FMN2: variants seen among roughly 807,000 people sequenced by gnomAD.
FMN2 encodes the protein formin-2.
A neutral mutation model predicts 142.3 loss-of-function variants in FMN2; 51 were observed. That is an observed-to-expected ratio of 0.36 (90% CI 0.29 to 0.45). The LOEUF (loss-of-function observed/expected upper bound fraction) is 0.45. Ranked by LOEUF, FMN2 falls within the 20% of genes least tolerant of loss-of-function variation. FMN2 has a pLI of 1.00. For synonymous variants in FMN2, 882 were observed against 869.8 expected (o/e 1.01, Z -0.25); for missense variants, 1,936 against 2,122.8 (o/e 0.91, Z 1.73).
At chr1:240,447,340 C>A (rs567793948) in intron 16 of FMN2, among the ~76,000 whole-genome samples, 1 of 151,966 alleles carries the variant, frequency 6.6e-6, no homozygotes, top group Admixed American at 6.5e-5. Flanking sequence ...CAATATAGGA[C>A]CTACAAAAAA....
chr1:240,257,594 C>T (rs1372269104), intron 6 of FMN2, among the ~76,000 whole-genome samples: 1 of 152,150 alleles, frequency 6.6e-6, no homozygotes, highest in Non-Finnish European at 1.5e-5. Context: ...CTTCAAATCT[C>T]AGGCTGCAAA....
At chr1:240,123,901 A>T (rs1314010127) in intron 2 of FMN2, among the ~76,000 whole-genome samples, 1 of 152,218 alleles carries the variant, frequency 6.6e-6, no homozygotes, top group Non-Finnish European at 1.5e-5. Flanking sequence ...TAGGTAGCTC[A>T]TATAAGTGGA....
At chr1:240,300,445 C>A (rs566069402) in intron 8 of FMN2, among the ~76,000 whole-genome samples, 1 of 152,194 alleles carries the variant, frequency 6.6e-6, no homozygotes, top group South Asian at 2.1e-4. Flanking sequence ...TTGTATTTAC[C>A]ATTGTTTCCT....
chr1:240,099,131 G>C (rs1278859998), intron 1 of FMN2, among the ~76,000 whole-genome samples: 2 of 151,964 alleles, frequency 1.3e-5, no homozygotes, highest in Non-Finnish European at 2.9e-5. Flanking sequence ...AATTCTGCCT[G>C]GTACATGAGA....
At chr1:240,356,377 T>C (rs9725819) in intron 14 of FMN2, among the ~76,000 whole-genome samples, 26,284 of 152,154 alleles carry the variant, frequency 0.17, 2,697 homozygotes, top group African/African-American at 0.28. Context: ...TTTGCAGTTT[T>C]TTTAATGGGA....
chr1:240,147,088 T>TAA (rs1663517647), intron 2 of FMN2, among the ~76,000 whole-genome samples: 1 of 151,958 alleles, frequency 6.6e-6, no homozygotes, highest in Admixed American at 6.6e-5. Flanking sequence ...AAATTGGGGC[T>TAA]TTTTTTTCTT....
At chr1:240,416,360 A>G (rs142966863) in intron 15 of FMN2, among the ~76,000 whole-genome samples, 3,767 of 150,694 alleles carry the variant, frequency 0.025, 162 homozygotes, top group African/African-American at 0.086. Flanking sequence ...TCCTGGGTTC[A>G]AGCGATTCTC....
Position 240,123,341 on chromosome 1 carries a change from T to C in FMN2, c.1778T>C (p.Phe593Ser). Residue 593 changes from phenylalanine to serine, a missense_variant, in exon 2 of 18, where the codon TTT becomes TCT. This residue lies in a region of FMN2 where 478 missense variants were observed against 462.8 expected (regional missense o/e 1.03). Coordinates refer to ENST00000319653, the MANE Select transcript of FMN2 (RefSeq NM_020066.5). ...NQNAQTNAAS[F>S]DQDQLYTWAA... ...AATGCCCAGACGAATGCAGCTTCGT[T>C]TGATGTAAGTAGGAGAATTCACTTC... is the stretch of plus-strand genomic sequence containing the variant. 1.2e-6 allele frequency: 2 copies of C among 1,613,486 alleles called. No homozygotes were observed. Among genetic ancestry groups the C allele is most frequent in the Non-Finnish European group, 8.5e-7 (1 of 1,179,788 alleles).
chr1:240,206,771 A>C, intron 4 of FMN2, 28 bp from the exon 5 acceptor site: 1 of 1,581,096 alleles, frequency 6.3e-7, no homozygotes. Flanking sequence ...TTTCATAACT[A>C]ACTGTGTCTG....
intron 16 of FMN2, among the ~76,000 whole-genome samples, chr1:240,467,176 G>A (rs115323756): frequency 6.6e-6 from 1 of 152,232 alleles, no homozygotes; most frequent in African/African-American, 2.4e-5. Context: ...CATATCTCAG[G>A]AGGCCTTAGT....
intron 13 of FMN2, among the ~76,000 whole-genome samples, chr1:240,347,802 C>T (rs1451224705): frequency 6.6e-6 from 1 of 152,154 alleles, no homozygotes; most frequent in African/African-American, 2.4e-5. Context: ...ATTTGGTTTT[C>T]TGTTTCTGCA....
intron 2 of FMN2, among the ~76,000 whole-genome samples, chr1:240,153,416 A>T (rs1240005892): frequency 7.7e-6 from 1 of 130,028 alleles, no homozygotes; most frequent in Non-Finnish European, 1.6e-5. Flanking sequence ...ACAGGCTTGC[A>T]GTTGTACGAT....
intron 2 of FMN2, among the ~76,000 whole-genome samples, chr1:240,177,578 AAGATGCTAGTTCAGGG>A (rs1173089400): frequency 6.6e-6 from 1 of 152,174 alleles, no homozygotes; most frequent in Admixed American, 6.5e-5. Flanking sequence ...AGATGAATTA[AAGATGCTAGTTCAGGG>A]AGTTCTCTGA....
At chr1:240,174,153 T>G (rs976236412) in intron 2 of FMN2, among the ~76,000 whole-genome samples, 2 of 152,152 alleles carry the variant, frequency 1.3e-5, no homozygotes, top group African/African-American at 4.8e-5. Flanking sequence ...AGCTCAGGCT[T>G]AGAAGCATGC....
intron 7 of FMN2, chr1:240,285,284 G>A (rs1478671446): frequency 2.2e-6 from 1 of 455,442 alleles, no homozygotes; most frequent in Non-Finnish European, 4.4e-6. Flanking sequence ...GAGGGGAAGG[G>A]AGGAATTAAG....
chr1:240,148,331 C>T (rs2103266913), intron 2 of FMN2, among the ~76,000 whole-genome samples: 1 of 143,078 alleles, frequency 7.0e-6, no homozygotes, highest in South Asian at 2.4e-4. Context: ...AACAGAGAGA[C>T]AGACAGATAA....
At chr1:240,323,131 CCTTCCTTTTCCTTTCCTTT>C (rs772174691) in intron 8 of FMN2, among the ~76,000 whole-genome samples, 152 of 150,232 alleles carry the variant, frequency 1.0e-3, no homozygotes, top group Admixed American at 1.8e-3. Flanking sequence ...TTCTTTCCTT[CCTTCCTTTTCCTTTCCTTT>C]CTCTTTCTCT....
intron 7 of FMN2, among the ~76,000 whole-genome samples, chr1:240,262,478 A>C (rs1668663453): frequency 6.6e-6 from 1 of 152,210 alleles, no homozygotes; most frequent in Admixed American, 6.5e-5. Context: ...TTATAAGAGT[A>C]TCCTACAGCT....
rs187222915 is a variant in FMN2, at chr1:240,106,340, A to C, written c.1615+12616A>C. ...TATGAAACATCCAACATTTCCCTGC[A>C]TGTTGATAAATCATATTTCTAGCTC... On this transcript the variant is annotated intron_variant, in intron 1 of 17. Coordinates refer to ENST00000319653, the MANE Select transcript of FMN2 (RefSeq NM_020066.5). Among the ~76,000 whole-genome samples, 415 of 152,320 alleles carry C rather than the reference A, an allele frequency of 2.7e-3. 1 individual carries two copies. The South Asian group carries it at 0.032, about 12-fold the overall frequency.
Sources: allele counts gnomAD v4.1 joint callset (sites outside exome capture counted in the v4.1 genomes callset), GRCh38; gene constraint gnomAD v4.1.1; regional missense constraint gnomAD v4.1.1; transcripts MANE v1.5; gene names NCBI Gene and HGNC (gene_info 2026-07-23, HGNC 2026-07-21).